The following DYNC1I1 variants were observed in gnomAD, a reference collection of about 807,000 sequenced individuals.
The protein encoded by DYNC1I1 is dynein cytoplasmic 1 intermediate chain 1, also known as cytoplasmic dynein 1 intermediate chain 1.
Under a neutral mutation model 86.6 loss-of-function variants are expected in DYNC1I1, and 43 were observed. The ratio of observed to expected loss-of-function variants is 0.50; its 90% confidence interval spans 0.39 to 0.64. The LOEUF (loss-of-function observed/expected upper bound fraction) is 0.64. Ranked by LOEUF, DYNC1I1 falls within the 30% of genes least tolerant of loss-of-function variation. The pLI is 0.00. For missense variants in DYNC1I1, 604 were observed against 788.8 expected (o/e 0.77, Z 2.81); for synonymous variants, 262 against 283.7 (o/e 0.92, Z 0.77).
chr7:96,095,185 G>A (rs1790965345), intron 16 of DYNC1I1, among the ~76,000 whole-genome samples: 1 of 152,120 alleles, frequency 6.6e-6, no homozygotes, highest in East Asian at 1.9e-4. Flanking sequence ...ATGAAGTTAT[G>A]TAATTTTTGA....
chr7:95,988,271 G>T (rs772265314), intron 9 of DYNC1I1, among the ~76,000 whole-genome samples: 3 of 152,210 alleles, frequency 2.0e-5, no homozygotes, highest in Non-Finnish European at 4.4e-5. Flanking sequence ...CAGCTATTCG[G>T]GAGGCTGAGG....
intron 4 of DYNC1I1, among the ~76,000 whole-genome samples, chr7:95,819,718 G>A (rs1165408026): frequency 2.0e-5 from 3 of 152,082 alleles, no homozygotes; most frequent in Admixed American, 1.3e-4. Flanking sequence ...CAGCCAATTC[G>A]ACTTTGGGGA....
At chr7:96,023,893 G>T (rs192835863) in intron 10 of DYNC1I1, among the ~76,000 whole-genome samples, 1 of 152,280 alleles carries the variant, frequency 6.6e-6, no homozygotes, top group African/African-American at 2.4e-5. Flanking sequence ...CTTGGTCTTC[G>T]AAATATAGTC....
At chr7:95,818,473 A>ATTTTTTTTTTT in intron 4 of DYNC1I1, 1 of 573,310 alleles carries the variant, frequency 1.7e-6, no homozygotes, top group Non-Finnish European at 3.1e-6. Flanking sequence ...AGCTGATTTA[A>ATTTTTTTTTTT]TTTTTTTTTT....
chr7:96,069,828 T>G (rs1416386502), intron 14 of DYNC1I1, among the ~76,000 whole-genome samples: 1 of 152,216 alleles, frequency 6.6e-6, no homozygotes, highest in Non-Finnish European at 1.5e-5. Context: ...AAAGAACACC[T>G]TTCATGTGGC....
At chr7:96,010,251 G>A (rs941437938) in intron 10 of DYNC1I1, among the ~76,000 whole-genome samples, 3 of 152,140 alleles carry the variant, frequency 2.0e-5, no homozygotes, top group Admixed American at 6.5e-5. Context: ...CACCCCAGCC[G>A]CCGCATTGTC....
chr7:95,822,789 G>C (rs1172039024), intron 4 of DYNC1I1, among the ~76,000 whole-genome samples: 1 of 152,172 alleles, frequency 6.6e-6, no homozygotes, highest in Non-Finnish European at 1.5e-5. Flanking sequence ...ACACCAGGAT[G>C]GTTCCCCAGC....
chr7:95,976,403 T>C (rs1312156947), intron 6 of DYNC1I1, among the ~76,000 whole-genome samples: 1 of 152,222 alleles, frequency 6.6e-6, no homozygotes, highest in Non-Finnish European at 1.5e-5. Flanking sequence ...TACTTAGAAT[T>C]TTGTAAGTTA....
chr7:95,868,916 T>TA (rs1243726509), intron 5 of DYNC1I1, among the ~76,000 whole-genome samples: 1 of 152,082 alleles, frequency 6.6e-6, no homozygotes, highest in African/African-American at 2.4e-5. Flanking sequence ...GTGATACTAC[T>TA]ATACCTCCAC....
At chr7:95,998,372 G>A (rs764819680) in intron 10 of DYNC1I1, among the ~76,000 whole-genome samples, 2 of 152,166 alleles carry the variant, frequency 1.3e-5, no homozygotes, top group Non-Finnish European at 2.9e-5. Flanking sequence ...CCCTTATAAG[G>A]TATCGATTAG....
At chr7:95,919,712 C>T (rs1281803266) in intron 6 of DYNC1I1, among the ~76,000 whole-genome samples, 1 of 152,126 alleles carries the variant, frequency 6.6e-6, no homozygotes. Flanking sequence ...TGAAAATTGG[C>T]ATGCTCTTCT....
chr7:96,100,188 G>T (rs1204778313), downstream of DYNC1I1, among the ~76,000 whole-genome samples: 1 of 152,138 alleles, frequency 6.6e-6, no homozygotes, highest in African/African-American at 2.4e-5. Context: ...AGATCCTAAG[G>T]CTGGCCTGTA....
At chr7:95,923,502 G>C (rs1362808239) in intron 6 of DYNC1I1, among the ~76,000 whole-genome samples, 1 of 152,104 alleles carries the variant, frequency 6.6e-6, no homozygotes, top group Non-Finnish European at 1.5e-5. Flanking sequence ...GAGGTTTCTT[G>C]TGAAGCTTAA....
chr7:96,090,675 T>C (rs1258201244), intron 16 of DYNC1I1, among the ~76,000 whole-genome samples: 2 of 152,116 alleles, frequency 1.3e-5, no homozygotes, highest in African/African-American at 2.4e-5. Flanking sequence ...AACAATCAAA[T>C]ACCATCTGAC....
chr7:95,860,251 A>G (rs1369488558), intron 5 of DYNC1I1, among the ~76,000 whole-genome samples: 1 of 152,168 alleles, frequency 6.6e-6, no homozygotes, highest in Non-Finnish European at 1.5e-5. Flanking sequence ...TGCTTTGCCC[A>G]TCATTTGCAG....
chr7:95,999,360 G>C (rs1408955228), intron 10 of DYNC1I1, among the ~76,000 whole-genome samples: 1 of 152,108 alleles, frequency 6.6e-6, no homozygotes, highest in East Asian at 1.9e-4. Context: ...TTGGTGATTT[G>C]GTTTCTTTGT....
intron 14 of DYNC1I1, among the ~76,000 whole-genome samples, chr7:96,061,137 G>A (rs1420601676): frequency 6.6e-6 from 1 of 152,214 alleles, no homozygotes; most frequent in Non-Finnish European, 1.5e-5. Flanking sequence ...TGCGTTCAGT[G>A]TGTGGAGGAG....
At chr7:96,070,655 A>G (rs1011039798) in intron 14 of DYNC1I1, among the ~76,000 whole-genome samples, 2 of 152,148 alleles carry the variant, frequency 1.3e-5, no homozygotes, top group African/African-American at 4.8e-5. Context: ...CCACCCAAAG[A>G]TATTTTCATG....
intron 6 of DYNC1I1, among the ~76,000 whole-genome samples, chr7:95,876,248 C>T (rs6950565): frequency 2.6e-5 from 4 of 152,268 alleles, no homozygotes; most frequent in African/African-American, 4.8e-5. Context: ...TCTCTTCTTC[C>T]GAAATGCTCC....
Sources: gnomAD v4.1 joint callset for allele counts (sites outside exome capture counted in the v4.1 genomes callset) on GRCh38, gnomAD v4.1.1 for gene constraint, MANE v1.5 for transcripts, NCBI Gene and HGNC (gene_info 2026-07-23, HGNC 2026-07-21) for gene names.